The following INPP5F variants were observed in gnomAD, a reference collection of about 807,000 sequenced individuals.
INPP5F encodes the protein phosphatidylinositide 4-phosphatase SAC2.
In INPP5F, 97 loss-of-function variants were observed where a neutral mutation model predicts 137.2. That is an observed-to-expected ratio of 0.71 (90% CI 0.60 to 0.84). The LOEUF is 0.84. Ranked by LOEUF, INPP5F falls within the 40% of genes least tolerant of loss-of-function variation. INPP5F has a pLI of 0.00. For synonymous variants in INPP5F, 504 were observed against 476.9 expected (o/e 1.06, Z -0.74); for missense variants, 1,271 against 1,371.9 (o/e 0.93, Z 1.16).
At chr10:119,798,963 G>A (rs146666594) in intron 9 of INPP5F, among the ~76,000 whole-genome samples, 186 of 152,074 alleles carry the variant, frequency 1.2e-3, no homozygotes, top group African/African-American at 4.3e-3. Flanking sequence ...TTTGGATAGC[G>A]TGAAGAGGTT....
At chr10:119,816,180 G>A (rs1564850005) in intron 15 of INPP5F, 1 of 152,470 alleles carries the variant, frequency 6.6e-6, no homozygotes, top group Non-Finnish European at 1.5e-5. Context: ...TGGTTTAGGG[G>A]TTTAGGCTGG....
At position 119,828,124 on chromosome 10, in the gene INPP5F, T is replaced by G; in HGVS notation, c.*344T>G. ...ACACAAGGGCTGGACATGCAGATGC[T>G]TAGGGGATTAGCGTTTTTCATAATT... On this transcript the variant is annotated 3_prime_UTR_variant, in exon 20 of 20. Transcript: ENST00000650623. 1 of 181,146 alleles carries G rather than the reference T, an allele frequency of 5.5e-6. No individual in the cohort carries two copies. Among genetic ancestry groups the G allele is most frequent in the Non-Finnish European group, 1.2e-5 (1 of 86,270 alleles). 11.2% of individuals were successfully genotyped at this position (181,146 alleles called of 1,614,324 possible). A position where few individuals can be genotyped will look rare whatever the true frequency, so the allele number is the denominator to read the frequency against.
intron 15 of INPP5F, among the ~76,000 whole-genome samples, chr10:119,813,732 C>T (rs1851141593): frequency 6.6e-6 from 1 of 152,198 alleles, no homozygotes; most frequent in Admixed American, 6.5e-5. Flanking sequence ...CACAGTAGCT[C>T]ACACCTGTAA....
In INPP5F at chr10:119,819,445, T is replaced by C. The variant is rs1177348038; in HGVS notation, c.1887-1401T>C. 15 of 1,551,218 alleles carry C rather than the reference T, an allele frequency of 9.7e-6. No homozygotes were observed. The East Asian group carries it at 3.0e-4, about 31-fold the overall frequency. ...GCCAAAATAGGAGCTAGGATGAAAGTAACACTGTAATTAGTAGTAGAATTT... is the reference window on the plus strand; with the variant it reads ...GCCAAAATAGGAGCTAGGATGAAAGCAACACTGTAATTAGTAGTAGAATTT... On this transcript the variant is annotated intron_variant, in intron 15 of 19. Transcript: ENST00000650623.
intron 13 of INPP5F, 51 bp from the exon 14 acceptor site, chr10:119,810,047 TGG>T (rs1409790943): frequency 1.0e-6 from 1 of 977,068 alleles, no homozygotes; most frequent in Non-Finnish European, 1.7e-6. Context: ...CAATTTATTT[TGG>T]GGGCATTCTT....
rs56055506 is a variant in INPP5F at position 119,827,315 on chromosome 10, A to G, written c.2934A>G (p.Arg978=). Reference sequence around the variant, plus strand: ...AAGTGACCCACCTATCAGAGACCAGATCTGTGTCTCAGCAGGCTAGTCAGG... The same window carrying G: ...AAGTGACCCACCTATCAGAGACCAGGTCTGTGTCTCAGCAGGCTAGTCAGG... ...QNKVTHLSET[R]SVSQQASQER... is the part of the protein sequence containing the mutation. Residue 978 remains arginine, a synonymous_variant, in exon 20 of 20, where the codon AGA becomes AGG. Coordinates refer to ENST00000650623, the MANE Select transcript of INPP5F (RefSeq NM_014937.4). The G allele has an allele frequency of 0.18, 298,114 of 1,613,938 alleles. 30,990 individuals are homozygous for G. The highest frequency in any genetic ancestry group is 0.43 in the South Asian group (39,472 of 91,080).
intron 3 of INPP5F, among the ~76,000 whole-genome samples, chr10:119,790,340 G>A (rs961183979): frequency 1.3e-5 from 2 of 152,174 alleles, no homozygotes; most frequent in Non-Finnish European, 1.5e-5. Flanking sequence ...TCTGGTAATA[G>A]GAGTATAAAG....
At position 119,820,914 on chromosome 10, in the gene INPP5F, C is replaced by T. The variant is rs1389157470; in HGVS notation, c.1955C>T (p.Ala652Val). 2 of 1,596,358 alleles carry T rather than the reference C, an allele frequency of 1.3e-6. No individual in the cohort carries two copies. Among genetic ancestry groups the T allele is most frequent in the South Asian group, 1.1e-5 (1 of 90,676 alleles). ...LLLSNSAYYV[A>V]YYDDEVDKVN... ...CTTTCTAACTCTGCCTACTACGTGG[C>T]CTAGTAAGTTGCTTATTGATTTAAA... is the stretch of plus-strand genomic sequence containing the variant. The change falls in exon 16 of 20, where the codon GCC (alanine) becomes GTC (valine). Residue 652 changes from alanine (A) to valine (V), a missense_variant. Ala to Val is a moderately conservative substitution (Grantham distance 64). Transcript: ENST00000650623.
intron 15 of INPP5F, among the ~76,000 whole-genome samples, chr10:119,818,192 T>G (rs1851363885): frequency 1.3e-5 from 2 of 152,182 alleles, no homozygotes. Context: ...GCCTTTCTTG[T>G]CCTTTCCCGC....
At chr10:119,757,367 C>T (rs1023831538) in intron 2 of INPP5F, among the ~76,000 whole-genome samples, 24 of 151,618 alleles carry the variant, frequency 1.6e-4, no homozygotes, top group African/African-American at 4.8e-4. Context: ...CATGCCCGAC[C>T]GAGATTTATT....
chr10:119,791,880 T>C lies in INPP5F; in HGVS notation c.456T>C (p.Ser152=), dbSNP rs760436380. Residue 152 remains serine, a synonymous_variant, in exon 5 of 20, where the codon AGT becomes AGC. Transcript: ENST00000650623. The part of the protein sequence containing the change: ...SAPNKKKVKE[S]KEKEKLERRL... ...TTAATTTCTTATAGGTTAAGGAAAG[T>C]AAAGAGAAGGAGAAGTTGGAGAGGA... The C allele has an allele frequency of 5.6e-6, 9 of 1,605,520 alleles. No individual in the cohort carries two copies. The South Asian group carries it at 1.0e-4, about 18-fold the overall frequency.
intron 2 of INPP5F, among the ~76,000 whole-genome samples, chr10:119,780,554 G>A (rs990815574): frequency 6.6e-6 from 1 of 152,172 alleles, no homozygotes; most frequent in Non-Finnish European, 1.5e-5. Context: ...TTTAGCCTGG[G>A]TGACAGAGTG....
At chr10:119,772,113 T>C (rs1849385293) in intron 2 of INPP5F, among the ~76,000 whole-genome samples, 1 of 151,654 alleles carries the variant, frequency 6.6e-6, no homozygotes, top group Non-Finnish European at 1.5e-5. Flanking sequence ...TTAGCCAGGA[T>C]GGTCTGGATC....
chr10:119,740,311 A>G (rs1259200118), intron 1 of INPP5F, among the ~76,000 whole-genome samples: 1 of 152,148 alleles, frequency 6.6e-6, no homozygotes, highest in Non-Finnish European at 1.5e-5. Flanking sequence ...TCGATTTACC[A>G]TTTGGACCAG....
chr10:119,775,305 T>C (rs1849487764), intron 2 of INPP5F, among the ~76,000 whole-genome samples: 1 of 152,228 alleles, frequency 6.6e-6, no homozygotes, highest in African/African-American at 2.4e-5. Context: ...TTGCCCAGGC[T>C]GGAGTGCAGT....
intron 3 of INPP5F, among the ~76,000 whole-genome samples, chr10:119,790,534 A>G (rs192794627): frequency 2.3e-3 from 351 of 152,260 alleles, no homozygotes; most frequent in Non-Finnish European, 4.1e-3. Context: ...TCTACTTCCA[A>G]ATTTGATAAA....
chr10:119,733,522 A>G (rs1365571106), intron 1 of INPP5F, among the ~76,000 whole-genome samples: 1 of 152,228 alleles, frequency 6.6e-6, no homozygotes, highest in East Asian at 1.9e-4. Context: ...CAAGAGTCCT[A>G]GATCCAATTT....
intron 2 of INPP5F, among the ~76,000 whole-genome samples, chr10:119,760,889 T>C (rs559982523): frequency 1.3e-5 from 2 of 152,336 alleles, no homozygotes; most frequent in East Asian, 1.9e-4. Context: ...TGCTGGAGTT[T>C]AGTGGCTAGG....
intron 16 of INPP5F, 40 bp downstream of exon 16, chr10:119,820,957 T>C: frequency 7.8e-7 from 1 of 1,288,902 alleles, no homozygotes; most frequent in Non-Finnish European, 1.1e-6. Flanking sequence ...ATTTTGTTTT[T>C]TAAACTTGAG....
Sources: gnomAD v4.1 joint callset for allele counts (sites outside exome capture counted in the v4.1 genomes callset) on GRCh38, gnomAD v4.1.1 for gene constraint, MANE v1.5 for transcripts, NCBI Gene and HGNC (gene_info 2026-07-23, HGNC 2026-07-21) for gene names.